MRO: variants seen among roughly 807,000 people sequenced by gnomAD.
MRO encodes protein maestro.
A neutral mutation model predicts 31.0 loss-of-function variants in MRO; 28 were observed. That is an observed-to-expected ratio of 0.90 (90% confidence interval 0.67 to 1.24). The LOEUF is 1.24. Ranked by LOEUF, MRO falls within the 50% of genes most tolerant of loss-of-function variation. The pLI is 0.00. For synonymous variants in MRO, 108 were observed against 108.4 expected (o/e 1.00, Z 0.02); for missense variants, 332 against 289.2 (o/e 1.15, Z -1.07).
upstream of MRO, among the ~76,000 whole-genome samples, chr18:50,822,825 G>A (rs1051783253): frequency 2.0e-5 from 3 of 151,622 alleles, no homozygotes; most frequent in Non-Finnish European, 4.4e-5. Context: ...CTTTCTTCCA[G>A]TGTTTACTGA....
rs577089664 is a variant in MRO at position 50,809,445 on chromosome 18, C to T, written c.-4-41G>A. On this transcript the variant is annotated intron_variant, in intron 2 of 7. Coordinates refer to ENST00000398439, the MANE Select transcript of MRO (RefSeq NM_031939.6). ...AACAAAATCACATGCGCCACAGACA[C>T]TCATCATCAACAAACATTGTTGTAC... 6.9e-5 allele frequency: 94 copies of T among 1,353,702 alleles called. 3 individuals carry two copies. The South Asian group carries it at 1.1e-3, about 15-fold the overall frequency. 83.9% of individuals were successfully genotyped at this position (1,353,702 alleles called of 1,614,324 possible).
intron 5 of MRO, among the ~76,000 whole-genome samples, chr18:50,802,731 T>C: frequency 6.6e-6 from 1 of 152,140 alleles, no homozygotes; most frequent in East Asian, 1.9e-4. Context: ...TTTTTGTTTT[T>C]GTTTTTGTTT....
chr18:50,819,831 G>A (rs1915228396), intron 1 of MRO, 66 bp downstream of exon 1: 1 of 1,536,576 alleles, frequency 6.5e-7, no homozygotes, highest in South Asian at 1.2e-5. Context: ...TTTGGGCAGG[G>A]GAGGGAATTG....
At chr18:50,821,384 T>C (rs1915296661), upstream of MRO, among the ~76,000 whole-genome samples, 1 of 152,032 alleles carries the variant, frequency 6.6e-6, no homozygotes, top group Admixed American at 6.6e-5. Context: ...AATGGGCGAG[T>C]TCAATTCTTC....
At position 50,805,316 on chromosome 18, in the gene MRO, A is replaced by G; in HGVS notation, c.267T>C (p.Ile89=). 1 of 1,613,866 alleles carries G rather than the reference A, an allele frequency of 6.2e-7. No homozygotes were observed. The highest frequency in any genetic ancestry group is 8.5e-7 in the Non-Finnish European group (1 of 1,179,920). ...GTCCATACACCAGCAGGTCGAGGAC[A>G]ATTTTCTTATACTTTCTCACCTGTC... is the stretch of plus-strand genomic sequence containing the variant. ...APDKVRKYKK[I]VLDLLVYGLY... is the part of the protein sequence containing the mutation. The change falls in exon 5 of 8, where the codon ATT becomes ATC. Residue 89 remains isoleucine (I), a synonymous_variant. Coordinates refer to ENST00000398439, the MANE Select transcript of MRO (RefSeq NM_031939.6).
intron 3 of MRO, 25 bp downstream of exon 3, chr18:50,809,277 T>G (rs1297911356): frequency 5.1e-6 from 8 of 1,576,776 alleles, no homozygotes; most frequent in Non-Finnish European, 7.0e-6. Context: ...GAGGAGAAAT[T>G]TGTTCATAAT....
chr18:50,823,063 C>A (rs72627214), upstream of MRO, among the ~76,000 whole-genome samples: 794 of 152,216 alleles, frequency 5.2e-3, 22 homozygotes, highest in East Asian at 0.067. Flanking sequence ...CTTAGTGAAA[C>A]CTGTTAGACA....
intron 3 of MRO, among the ~76,000 whole-genome samples, 158 bp downstream of exon 3, chr18:50,809,144 C>CAAAAAAAAAAAAAAAAAAAAA (rs61728184): frequency 5.0e-5 from 5 of 99,096 alleles, no homozygotes; most frequent in Non-Finnish European, 7.7e-5. Context: ...GACTCCGTCT[C>CAAAAAAAAAAAAAAAAAAAAA]AAAAAAAAAA....
chr18:50,810,614 T>C (rs933362322), intron 2 of MRO, among the ~76,000 whole-genome samples: 6 of 152,236 alleles, frequency 3.9e-5, no homozygotes, highest in Non-Finnish European at 5.9e-5. Flanking sequence ...GCGCATGTAT[T>C]ATTGAAAGAA....
At chr18:50,819,541 C>T (rs1391283879) in intron 2 of MRO, 40 bp downstream of exon 2, 4 of 1,549,996 alleles carry the variant, frequency 2.6e-6, no homozygotes, top group Non-Finnish European at 3.5e-6. Context: ...CAGGACGCCT[C>T]CCGCTGCATC....
At chr18:50,819,069 A>G (rs1599045900) in intron 2 of MRO, among the ~76,000 whole-genome samples, 1 of 152,116 alleles carries the variant, frequency 6.6e-6, no homozygotes, top group Admixed American at 6.5e-5. Context: ...ATGAAAAAAA[A>G]AATTAATATT....
Position 50,797,977 on chromosome 18 carries a change from C to G in MRO, c.*1360G>C, listed in dbSNP as rs1281402327. On this transcript the variant is annotated 3_prime_UTR_variant, in exon 8 of 8. Transcript: ENST00000398439. ...CCGCATCTGTGTCACACCACCCTGT[C>G]CCTGGGAGCTACAGCAGAAAATTGA... is the stretch of plus-strand genomic sequence containing the variant. 1 of 152,460 alleles carries G rather than the reference C, an allele frequency of 6.6e-6. No individual in the cohort carries two copies. Among genetic ancestry groups the G allele is most frequent in the African/African-American group, 2.4e-5 (1 of 41,450 alleles). 9.4% of individuals were successfully genotyped at this position (152,460 alleles called of 1,614,324 possible). A position where few individuals can be genotyped will look rare whatever the true frequency, so the allele number is the denominator to read the frequency against.
rs146672790 is a variant in MRO, at chr18:50,806,744, A to G, written c.206T>C (p.Met69Thr). The change falls in exon 4 of 8, where the codon ATG becomes ACG. Residue 69 changes from methionine (M) to threonine (T), a missense_variant. Coordinates refer to ENST00000398439, the MANE Select transcript of MRO (RefSeq NM_031939.6). ...DPSAKKRHMA[M>T]RNLGTMAYEA... The stretch of plus-strand genomic sequence containing the variant: ...ATAGGCCATGGTTCCCAAGTTTCTC[A>G]TTGCCATGTGACGCTTTTTAGCACT... 8 of 1,614,020 alleles carry G rather than the reference A, an allele frequency of 5.0e-6. No homozygotes were observed. In the South Asian group the frequency reaches 5.5e-5, roughly 11 times the overall value.
intron 2 of MRO, chr18:50,814,693 G>C (rs11082851): frequency 5.3e-6 from 1 of 188,374 alleles, no homozygotes; most frequent in South Asian, 1.1e-4. Context: ...AATGTTTGTC[G>C]GGAAGTAATA....
intron 2 of MRO, among the ~76,000 whole-genome samples, chr18:50,813,956 T>C (rs1914674889): frequency 6.6e-6 from 1 of 152,184 alleles, no homozygotes. Flanking sequence ...TTTGCCTTTA[T>C]AACAAACCCA....
chr18:50,815,326 T>G (rs76541877), intron 2 of MRO: 9,536 of 271,108 alleles, frequency 0.035, 241 homozygotes, highest in Non-Finnish European at 0.047. Context: ...GAGATAATTT[T>G]TGCCGTGGTG....
upstream of MRO, among the ~76,000 whole-genome samples, chr18:50,823,191 G>A (rs375021471): frequency 4.6e-5 from 7 of 152,076 alleles, no homozygotes; most frequent in African/African-American, 1.4e-4. Context: ...CAGTCCACTC[G>A]CCTCCAAGGC....
chr18:50,802,044 G>A (rs1306052773), intron 5 of MRO, among the ~76,000 whole-genome samples: 2 of 152,172 alleles, frequency 1.3e-5, no homozygotes, highest in African/African-American at 4.8e-5. Context: ...ACATGCCACT[G>A]TTGTTGTGCA....
rs201062674 is a variant in MRO, at chr18:50,806,777, C to T, written c.173G>A (p.Arg58Gln). The change falls in exon 4 of 8, where the codon CGG becomes CAG. Residue 58 changes from arginine to glutamine, a missense_variant. By Grantham distance (43) the Arg-to-Gln change is conservative. Coordinates refer to ENST00000398439, the MANE Select transcript of MRO (RefSeq NM_031939.6). Reference protein sequence around the residue: ...NVFFILAERARDPSAKKRHMA... With the variant: ...NVFFILAERAQDPSAKKRHMA... ...GTGACGCTTTTTAGCACTGGGGTCC[C>T]GAGCTCTTTCTGCCAAGATGAAAAA... 31 of 1,614,092 alleles carry T rather than the reference C, an allele frequency of 1.9e-5. No individual in the cohort carries two copies. In the East Asian group the frequency reaches 4.7e-4, roughly 24 times the overall value.
Sources: allele counts gnomAD v4.1 joint callset (sites outside exome capture counted in the v4.1 genomes callset), GRCh38; gene constraint gnomAD v4.1.1; transcripts MANE v1.5; gene names NCBI Gene and HGNC (gene_info 2026-07-23, HGNC 2026-07-21).